Variants in MAP2K6 observed in about 807,000 individuals in gnomAD.
MAP2K6 encodes dual specificity mitogen-activated protein kinase kinase 6.
MAP2K6 carries 16 observed loss-of-function variants against 53.7 expected under a neutral mutation model. The observed-to-expected ratio is 0.30, with a 90% CI of 0.20 to 0.45. The LOEUF (loss-of-function observed/expected upper bound fraction) is 0.45, where lower values mean the gene tolerates loss of function less well. MAP2K6 is among the 20% of genes least tolerant of loss of function. MAP2K6 has a pLI of 1.00. For synonymous variants in MAP2K6, 132 were observed against 143.1 expected (o/e 0.92, Z 0.55); for missense variants, 204 against 411.9 (o/e 0.50, Z 4.37).
chr17:69,541,216 T>C (rs1419629529), intron 11 of MAP2K6, among the ~76,000 whole-genome samples: 1 of 152,108 alleles, frequency 6.6e-6, no homozygotes, highest in Non-Finnish European at 1.5e-5. Flanking sequence ...TGAGCCAAGA[T>C]CGCACCACTG....
chr17:69,461,450 A>G (rs947732570), intron 1 of MAP2K6, among the ~76,000 whole-genome samples: 7 of 151,970 alleles, frequency 4.6e-5, no homozygotes, highest in African/African-American at 1.2e-4. Flanking sequence ...TCTGCAGCCA[A>G]CTCTGTGGGA....
Position 69,547,718 on chromosome 17 carries a change from T to A in MAP2K6, c.*5965T>A, listed in dbSNP as rs1911932284. ...ATTGTTCTGGAAGCTGATAGAACAA[T>A]TTTCTTCAGATCAAACTGAAGTACT... On this transcript the variant is annotated 3_prime_UTR_variant, in exon 12 of 12. Transcript: ENST00000590474. 1.3e-5 allele frequency: 2 copies of A among 152,234 alleles called. No individual in the cohort carries two copies. Among genetic ancestry groups the A allele is most frequent in the African/African-American group, 4.8e-5 (2 of 41,464 alleles). The allele number at this position is 152,234 out of a possible 1,614,324, so 9.4% of individuals were successfully genotyped here. A position where few individuals can be genotyped will look rare whatever the true frequency, so the allele number is the denominator to read the frequency against.
At position 69,547,074 on chromosome 17, in the gene MAP2K6, GT is replaced by G. The variant is rs543387568; in HGVS notation, c.*5331del. On this transcript the variant is annotated 3_prime_UTR_variant, in exon 12 of 12. Transcript: ENST00000590474. ...GCTGACAGCTAAAGATGCTCTTTGG[GT>G]TTTTTTTTTGGCTTTAATTTGGGTA... is the stretch of plus-strand genomic sequence containing the variant. 1.9e-4 allele frequency: 28 copies of G among 147,706 alleles called. 1 individual carries two copies. Among genetic ancestry groups the G allele is most frequent in the East Asian group, 9.8e-4 (5 of 5,088 alleles). The allele number at this position is 147,706 out of a possible 1,614,324, so 9.1% of individuals were successfully genotyped here.
intron 1 of MAP2K6, among the ~76,000 whole-genome samples, chr17:69,498,494 G>A (rs1434865329): frequency 2.0e-5 from 3 of 152,124 alleles, no homozygotes; most frequent in Non-Finnish European, 4.4e-5. Context: ...GGACCCACCT[G>A]CATGGGTCCT....
intron 10 of MAP2K6, among the ~76,000 whole-genome samples, chr17:69,534,588 G>A (rs1911262265): frequency 2.8e-5 from 4 of 142,288 alleles, no homozygotes; most frequent in South Asian, 2.3e-4. Context: ...ATTTTATTTC[G>A]TTTTAAACCA....
At position 69,525,042 on chromosome 17, in the gene MAP2K6, G is replaced by A. The variant is rs139064415; in HGVS notation, c.741+64G>A. 7.6e-4 allele frequency: 1,076 copies of A among 1,422,070 alleles called. 10 individuals are homozygous for A. The African/African-American group carries it at 0.013, about 18-fold the overall frequency. The allele number at this position is 1,422,070 out of a possible 1,614,324, so 88.1% of individuals were successfully genotyped here. On this transcript the variant is annotated intron_variant, in intron 9 of 11. Coordinates refer to ENST00000590474, the MANE Select transcript of MAP2K6 (RefSeq NM_002758.4). ...GTAATGAAACTAGAATGAGGTGGAC[G>A]TTGGGTTCAAGAAACAAATGCCCTA...
In MAP2K6 at chr17:69,551,789, T is replaced by C. The variant is rs966354154; in HGVS notation, c.*10036T>C. ...TTTTTGTGTAATTTGCTTACACAAC[T>C]AGGACATACTTCCTATGATACTGAA... On this transcript the variant is annotated 3_prime_UTR_variant, in exon 12 of 12. Transcript: ENST00000590474. The C allele has an allele frequency of 6.6e-6, 1 of 152,238 alleles. No homozygotes were observed. The allele number at this position is 152,238 out of a possible 1,614,324, so 9.4% of individuals were successfully genotyped here.
rs1202817079 is a variant in MAP2K6 at position 69,551,799 on chromosome 17, T to C, written c.*10046T>C. The C allele has an allele frequency of 6.6e-6, 1 of 152,244 alleles. No individual in the cohort carries two copies. The highest frequency in any genetic ancestry group is 1.5e-5 in the Non-Finnish European group (1 of 68,034). The allele number at this position is 152,244 out of a possible 1,614,324, so 9.4% of individuals were successfully genotyped here. A position where few individuals can be genotyped will look rare whatever the true frequency, so the allele number is the denominator to read the frequency against. ...ATTTGCTTACACAACTAGGACATAC[T>C]TCCTATGATACTGAATCATCAAATT... On this transcript the variant is annotated 3_prime_UTR_variant, in exon 12 of 12. Transcript: ENST00000590474.
intron 1 of MAP2K6, among the ~76,000 whole-genome samples, chr17:69,422,873 T>TTTTG (rs542012010): frequency 2.8e-4 from 42 of 152,066 alleles, no homozygotes; most frequent in East Asian, 1.5e-3. Flanking sequence ...CAGCTGTTGT[T>TTTTG]TTTGTTTGTT....
intron 1 of MAP2K6, among the ~76,000 whole-genome samples, chr17:69,499,813 A>C (rs1909083904): frequency 6.6e-6 from 1 of 152,240 alleles, no homozygotes; most frequent in Non-Finnish European, 1.5e-5. Context: ...AAATGAGTGG[A>C]AGATGGTCGT....
chr17:69,478,579 A>G (rs1453767758), intron 1 of MAP2K6, among the ~76,000 whole-genome samples: 3 of 152,058 alleles, frequency 2.0e-5, no homozygotes, highest in Non-Finnish European at 2.9e-5. Context: ...ATTGCAGGCG[A>G]CTGCCACCAT....
Position 69,524,934 on chromosome 17 carries a change from G to C in MAP2K6, c.697G>C (p.Gly233Arg). 1 of 1,613,166 alleles carries C rather than the reference G, an allele frequency of 6.2e-7. No homozygotes were observed. The highest frequency in any genetic ancestry group is 8.5e-7 in the Non-Finnish European group (1 of 1,179,400). ...ERINPELNQKGYSVKSDIWSL... is the reference protein window; with the variant it reads ...ERINPELNQKRYSVKSDIWSL... ...AATAAACCCAGAGCTCAACCAGAAG[G>C]GATACAGTGTGAAGTCTGACATTTG... Residue 233 changes from glycine (G) to arginine (R), a missense_variant, in exon 9 of 12, where the codon GGA becomes CGA. Coordinates refer to ENST00000590474, the MANE Select transcript of MAP2K6 (RefSeq NM_002758.4).
In MAP2K6 at chr17:69,532,189, C is replaced by T. The variant is rs150762210; in HGVS notation, c.882-3926C>T. ...AACACAGACAGTCAAATACAGTCTCCTACTTGTGTAGGAAGGACAGTAAAA... is the reference window on the plus strand; with the variant it reads ...AACACAGACAGTCAAATACAGTCTCTTACTTGTGTAGGAAGGACAGTAAAA... On this transcript the variant is annotated intron_variant, in intron 10 of 11. Coordinates refer to ENST00000590474, the MANE Select transcript of MAP2K6 (RefSeq NM_002758.4). Among the ~76,000 whole-genome samples the T allele has an allele frequency of 2.4e-3, 371 of 152,276 alleles. 5 individuals are homozygous for T. The highest frequency in any genetic ancestry group is 0.01 in the Middle Eastern group (3 of 294).
chr17:69,487,198 C>T (rs932111305), intron 1 of MAP2K6, among the ~76,000 whole-genome samples: 33 of 152,090 alleles, frequency 2.2e-4, no homozygotes, highest in African/African-American at 7.0e-4. Context: ...AATCCTTACA[C>T]GAGCTAGTGG....
At chr17:69,524,097 AC>A (rs1468799056) in intron 8 of MAP2K6, among the ~76,000 whole-genome samples, 3 of 151,416 alleles carry the variant, frequency 2.0e-5, no homozygotes, top group East Asian at 1.9e-4. Context: ...TGATTCAATC[AC>A]CCCCCAAAGG....
At chr17:69,498,812 G>T (rs1262159370) in intron 1 of MAP2K6, among the ~76,000 whole-genome samples, 1 of 152,154 alleles carries the variant, frequency 6.6e-6, no homozygotes, top group East Asian at 1.9e-4. Context: ...GTTCTAGGAG[G>T]TCACAGCGTG....
intron 2 of MAP2K6, among the ~76,000 whole-genome samples, chr17:69,512,418 C>T (rs1909895892): frequency 7.0e-6 from 1 of 141,896 alleles, no homozygotes; most frequent in African/African-American, 2.6e-5. Context: ...TGGCTCACCA[C>T]AACCTCCGCC....
intron 1 of MAP2K6, among the ~76,000 whole-genome samples, chr17:69,460,056 C>T (rs994445237): frequency 4.8e-5 from 7 of 145,328 alleles, no homozygotes; most frequent in African/African-American, 1.7e-4. Flanking sequence ...TTTTTCTTTC[C>T]TCCATTCTTT....
chr17:69,544,204 T>C lies in MAP2K6; in HGVS notation c.*2451T>C, dbSNP rs2144881400. On this transcript the variant is annotated 3_prime_UTR_variant, in exon 12 of 12. Coordinates refer to ENST00000590474, the MANE Select transcript of MAP2K6 (RefSeq NM_002758.4). Reference sequence around the variant, plus strand: ...CTTTCCCTGTCCTCATCAGTGGAAATCTCTTTGTCACTCTGAGAGAAGGCA... The same window carrying C: ...CTTTCCCTGTCCTCATCAGTGGAAACCTCTTTGTCACTCTGAGAGAAGGCA... 6.6e-6 allele frequency: 1 copy of C among 152,236 alleles called. No homozygotes were observed. The highest frequency in any genetic ancestry group is 1.5e-5 in the Non-Finnish European group (1 of 68,014). The allele number at this position is 152,236 out of a possible 1,614,324, so 9.4% of individuals were successfully genotyped here.
Sources: gnomAD v4.1 joint callset for allele counts (sites outside exome capture counted in the v4.1 genomes callset) on GRCh38, gnomAD v4.1.1 for gene constraint, MANE v1.5 for transcripts, NCBI Gene and HGNC (gene_info 2026-07-23, HGNC 2026-07-21) for gene names.